Variants in TMTC3 observed in about 807,000 individuals in gnomAD.
The protein encoded by TMTC3 is transmembrane O-mannosyltransferase targeting cadherins 3, also known as protein O-mannosyl-transferase TMTC3.
TMTC3 carries 52 observed loss-of-function variants against 92.2 expected under a neutral mutation model. That is an observed-to-expected ratio of 0.56 (90% CI 0.45 to 0.71). The LOEUF (loss-of-function observed/expected upper bound fraction) is 0.71, where lower values mean the gene tolerates loss of function less well. TMTC3 is among the 30% of genes least tolerant of loss of function. TMTC3 has a pLI of 0.00. For synonymous variants in TMTC3, 339 were observed against 363.3 expected (o/e 0.93, Z 0.76); for missense variants, 896 against 1,057.1 (o/e 0.85, Z 2.11).
At chr12:88,149,802 C>G (rs1464398502) in intron 2 of TMTC3, among the ~76,000 whole-genome samples, 1 of 151,892 alleles carries the variant, frequency 6.6e-6, no homozygotes, top group Non-Finnish European at 1.5e-5. Flanking sequence ...CCTTTTTGTT[C>G]TCACCCAATT....
chr12:88,144,167 C>A (rs947932992), intron 1 of TMTC3, among the ~76,000 whole-genome samples: 1 of 152,172 alleles, frequency 6.6e-6, no homozygotes, highest in Non-Finnish European at 1.5e-5. Flanking sequence ...TTGTGCCCAC[C>A]TCCTATCTCA....
chr12:88,151,868 A>G (rs569087774), intron 2 of TMTC3, among the ~76,000 whole-genome samples: 1 of 152,338 alleles, frequency 6.6e-6, no homozygotes, highest in African/African-American at 2.4e-5. Flanking sequence ...TGAAGGATGT[A>G]AAGGAATTAG....
chr12:88,176,946 CTT>C (rs886144096), intron 10 of TMTC3, among the ~76,000 whole-genome samples: 2 of 152,178 alleles, frequency 1.3e-5, no homozygotes, highest in African/African-American at 2.4e-5. Flanking sequence ...ATAGAAAACT[CTT>C]TTGAAGGGTG....
chr12:88,192,185 GTCATTTT>G (rs1404386663), intron 12 of TMTC3, among the ~76,000 whole-genome samples: 1 of 151,818 alleles, frequency 6.6e-6, no homozygotes, highest in Non-Finnish European at 1.5e-5. Flanking sequence ...ACTACTATAT[GTCATTTT>G]TTTCTTCTAA....
At position 88,166,527 on chromosome 12, in the gene TMTC3, T is replaced by C. The variant is rs761912189; in HGVS notation, c.995T>C (p.Met332Thr). ...TTTACTTTCTTTTGTTTTCTGGGGATGTTGGGAGTATTCAGTATCAGATAC... is the reference window on the plus strand; with the variant it reads ...TTTACTTTCTTTTGTTTTCTGGGGACGTTGGGAGTATTCAGTATCAGATAC... ...ATFTFFCFLG[M>T]LGVFSIRYSG... Residue 332 changes from methionine to threonine, a missense_variant, in exon 7 of 14, where the codon ATG becomes ACG. By Grantham distance (81) the Met-to-Thr change is moderately conservative. Transcript: ENST00000266712. The C allele has an allele frequency of 6.2e-7, 1 of 1,614,018 alleles. No homozygotes were observed. The highest frequency in any genetic ancestry group is 1.7e-4 in the Middle Eastern group (1 of 6,058).
intron 2 of TMTC3, among the ~76,000 whole-genome samples, chr12:88,151,839 A>T (rs1420749404): frequency 6.6e-6 from 1 of 152,192 alleles, no homozygotes. Context: ...AAATAGCTTT[A>T]TATGCCTGAG....
chr12:88,194,244 C>T (rs769015487), intron 13 of TMTC3, among the ~76,000 whole-genome samples: 19 of 151,994 alleles, frequency 1.3e-4, no homozygotes, highest in Admixed American at 2.0e-4. Context: ...ATACATGTTT[C>T]CTAAATCCTA....
chr12:88,166,873 A>G (rs1249465418), intron 7 of TMTC3, among the ~76,000 whole-genome samples: 1 of 152,198 alleles, frequency 6.6e-6, no homozygotes, highest in African/African-American at 2.4e-5. Context: ...ACAGAGAAGA[A>G]CATCATATAA....
At chr12:88,172,484 G>A (rs2041214998) in intron 7 of TMTC3, 113 bp from the exon 8 acceptor site, 1 of 520,554 alleles carries the variant, frequency 1.9e-6, no homozygotes, top group Non-Finnish European at 2.7e-6. Context: ...CACTATCCAG[G>A]TTAAATGATA....
At chr12:88,163,935 C>T (rs1181587895) in intron 6 of TMTC3, among the ~76,000 whole-genome samples, 2 of 152,160 alleles carry the variant, frequency 1.3e-5, no homozygotes, top group East Asian at 1.9e-4. Flanking sequence ...TGGTGGCTCA[C>T]GCCTGTAATC....
At chr12:88,160,321 CATT>C (rs1361360642) in intron 5 of TMTC3, 92 bp downstream of exon 5, 1 of 697,322 alleles carries the variant, frequency 1.4e-6, no homozygotes, top group Non-Finnish European at 2.1e-6. Context: ...CTAAATGTAT[CATT>C]ATGTAAATTA....
At chr12:88,186,304 A>T (rs1212520164) in intron 10 of TMTC3, among the ~76,000 whole-genome samples, 2 of 152,240 alleles carry the variant, frequency 1.3e-5, no homozygotes, top group Non-Finnish European at 2.9e-5. Context: ...TTAAAAACAC[A>T]TGCAAACATT....
At chr12:88,162,625 G>A (rs2041092954) in intron 6 of TMTC3, among the ~76,000 whole-genome samples, 1 of 152,102 alleles carries the variant, frequency 6.6e-6, no homozygotes, top group African/African-American at 2.4e-5. Flanking sequence ...TCAGAAGGAA[G>A]TCTGATTTGA....
In TMTC3 at chr12:88,190,507, T is replaced by C; in HGVS notation, c.1591T>C (p.Tyr531His). ...AATTGCCCCTAACCACCTAAATGTT[T>C]ATATCAATCTGGCTAACCTGATCCG... ...ARIAPNHLNV[Y>H]INLANLIRAN... Residue 531 changes from tyrosine to histidine, a missense_variant, in exon 12 of 14, where the codon TAT becomes CAT. Physicochemically the swap from Tyr to His is moderately conservative, Grantham distance 83. Coordinates refer to ENST00000266712, the MANE Select transcript of TMTC3 (RefSeq NM_181783.4). 6.2e-7 allele frequency: 1 copy of C among 1,613,924 alleles called. No homozygotes were observed. Among genetic ancestry groups the C allele is most frequent in the East Asian group, 2.2e-5 (1 of 44,812 alleles).
intron 12 of TMTC3, among the ~76,000 whole-genome samples, chr12:88,192,008 A>G (rs1484058036): frequency 1.0e-4 from 12 of 117,402 alleles, no homozygotes; most frequent in Admixed American, 9.8e-4. Flanking sequence ...CATGCCCAGC[A>G]TTTTTCTTTT....
chr12:88,160,612 A>G (rs1394167559), intron 5 of TMTC3, 67 bp from the exon 6 acceptor site: 2 of 1,348,806 alleles, frequency 1.5e-6, no homozygotes, highest in Non-Finnish European at 2.1e-6. Context: ...ATTAGAAAGT[A>G]CTACAGTATT....
chr12:88,168,441 G>T (rs1311933906), intron 7 of TMTC3, among the ~76,000 whole-genome samples: 1 of 152,170 alleles, frequency 6.6e-6, no homozygotes, highest in Non-Finnish European at 1.5e-5. Context: ...ATAACAAACT[G>T]CTTATCTTAT....
chr12:88,179,921 C>T (rs924560995), intron 10 of TMTC3, among the ~76,000 whole-genome samples: 1 of 152,184 alleles, frequency 6.6e-6, no homozygotes, highest in African/African-American at 2.4e-5. Context: ...GTTATCTACC[C>T]TTTGCTCTCA....
At chr12:88,161,849 T>C (rs990873509) in intron 6 of TMTC3, among the ~76,000 whole-genome samples, 1 of 151,298 alleles carries the variant, frequency 6.6e-6, no homozygotes, top group Non-Finnish European at 1.5e-5. Context: ...ATATGTAATA[T>C]ACATTTTATA....
Sources: gnomAD v4.1 joint callset for allele counts (sites outside exome capture counted in the v4.1 genomes callset) on GRCh38, gnomAD v4.1.1 for gene constraint, MANE v1.5 for transcripts, NCBI Gene and HGNC (gene_info 2026-07-23, HGNC 2026-07-21) for gene names.